The following CLEC4F variants were observed in gnomAD, a reference collection of about 807,000 sequenced individuals.
CLEC4F encodes the protein C-type (calcium dependent, carbohydrate-recognition domain) lectin, superfamily member 13.
A neutral mutation model predicts 53.4 loss-of-function variants in CLEC4F; 45 were observed. The ratio of observed to expected loss-of-function variants is 0.84; its 90% CI spans 0.66 to 1.08. CLEC4F has a LOEUF of 1.08. Among genes scored for constraint, CLEC4F ranks in the 50% least tolerant of loss-of-function variants. The pLI, the probability that CLEC4F is intolerant of heterozygous loss-of-function variation, is 0.00. For missense variants in CLEC4F, 753 were observed against 698.2 expected (o/e 1.08, Z -0.88); for synonymous variants, 245 against 257.5 (o/e 0.95, Z 0.46).
chr2:70,819,653 G>T, intron 2 of CLEC4F, 122 bp downstream of exon 2: 1 of 851,428 alleles, frequency 1.2e-6, no homozygotes, highest in Non-Finnish European at 1.9e-6. Context: ...TGGGCCTGGA[G>T]CTGGAGGTGG....
intron 3 of CLEC4F, 71 bp from the exon 4 acceptor site, chr2:70,817,183 G>C (rs1271151637): frequency 1.4e-6 from 2 of 1,475,996 alleles, no homozygotes; most frequent in Non-Finnish European, 1.8e-6. Context: ...GGGCCACCCA[G>C]AGTGTTTCTA....
At position 70,812,598 on chromosome 2, in the gene CLEC4F, C is replaced by T. The variant is rs562360644; in HGVS notation, c.1388G>A (p.Ser463Asn). 9 of 1,613,646 alleles carry T rather than the reference C, an allele frequency of 5.6e-6. No homozygotes were observed. The African/African-American group carries it at 6.7e-5, about 12-fold the overall frequency. Residue 463 changes from serine to asparagine, a missense_variant and splice_region_variant, in exon 5 of 7, where the codon AGT becomes AAT. Ser to Asn is a conservative substitution (Grantham distance 46, BLOSUM62 1). Transcript: ENST00000272367. ...TSQEQLQRTQ[S>N]QLLQMVLQGW... ...TTGCAGGACCATCTGGAGAAGCTGA[C>T]CTGGAGCAAAGATTGGGGAGAAAAG...
upstream of CLEC4F, among the ~76,000 whole-genome samples, chr2:70,822,624 G>C (rs1677256351): frequency 6.6e-6 from 1 of 152,162 alleles, no homozygotes; most frequent in Non-Finnish European, 1.5e-5. Context: ...GCCAGTGCTG[G>C]GGTTACCAGC....
upstream of CLEC4F, among the ~76,000 whole-genome samples, chr2:70,820,999 G>A (rs1382631056): frequency 2.0e-5 from 3 of 152,186 alleles, no homozygotes; most frequent in Non-Finnish European, 2.9e-5. Context: ...GGTCAAAGGA[G>A]GAAGCGGGGT....
At chr2:70,824,499 T>C (rs1342144710), upstream of CLEC4F, among the ~76,000 whole-genome samples, 1 of 151,410 alleles carries the variant, frequency 6.6e-6, no homozygotes, top group African/African-American at 2.4e-5. Flanking sequence ...CTAACACCAT[T>C]CTCCAAAAAA....
At chr2:70,819,485 C>T in intron 2 of CLEC4F, 41 bp from the exon 3 acceptor site, 1 of 1,573,952 alleles carries the variant, frequency 6.4e-7, no homozygotes, top group Non-Finnish European at 8.7e-7. Context: ...ATCCCCAGCC[C>T]TGAGCCTGGG....
At chr2:70,825,099 G>A (rs1011587513), upstream of CLEC4F, among the ~76,000 whole-genome samples, 5 of 152,162 alleles carry the variant, frequency 3.3e-5, no homozygotes, top group African/African-American at 9.7e-5. Flanking sequence ...TGATGAGAAT[G>A]GCCCTTTATC....
rs1676618026 is a variant in CLEC4F at position 70,812,379 on chromosome 2, G to C, written c.1539+68C>G. On this transcript the variant is annotated intron_variant, in intron 5 of 6. Coordinates refer to ENST00000272367, the MANE Select transcript of CLEC4F (RefSeq NM_173535.3). ...CGTCATACCCACTGAGAGCAGGAAG[G>C]CCAAAACACCAAAGTCCCTTATTCC... is the stretch of plus-strand genomic sequence containing the variant. 3 of 1,570,944 alleles carry C rather than the reference G, an allele frequency of 1.9e-6. No homozygotes were observed. The South Asian group carries it at 3.5e-5, about 18-fold the overall frequency.
At chr2:70,822,656 T>C (rs1168759972), upstream of CLEC4F, among the ~76,000 whole-genome samples, 3 of 152,240 alleles carry the variant, frequency 2.0e-5, no homozygotes, top group Non-Finnish European at 2.9e-5. Flanking sequence ...CTTTGGTTCC[T>C]TCTTGTCTCC....
chr2:70,820,643 C>A, upstream of CLEC4F: 1 of 943,474 alleles, frequency 1.1e-6, no homozygotes. Flanking sequence ...TCCTGACCAC[C>A]CTCCCAGCTC....
rs1553393796 is a variant in CLEC4F, at chr2:70,809,858, C to T, written c.1540-1G>A. On this transcript the variant is annotated splice_acceptor_variant, in intron 5 of 6. Coordinates refer to ENST00000272367, the MANE Select transcript of CLEC4F (RefSeq NM_173535.3). LOFTEE classifies it high-confidence loss of function. ...TACTTGTGAACTCTACCAGAAATGC[C>T]TGCAGAGAAAAGGCAGTGTCAGTTT... The T allele has an allele frequency of 1.2e-6, 2 of 1,608,288 alleles. No homozygotes were observed. The highest frequency in any genetic ancestry group is 2.2e-5 in the South Asian group (2 of 90,960).
intron 6 of CLEC4F, 52 bp from the exon 7 acceptor site, chr2:70,809,434 C>T (rs1553393618): frequency 1.3e-6 from 2 of 1,533,754 alleles, no homozygotes; most frequent in Middle Eastern, 2.4e-4. Flanking sequence ...TGGCTGCATG[C>T]CAGCCTCAGG....
In CLEC4F at chr2:70,816,602, T is replaced by C; in HGVS notation, c.779A>G (p.His260Arg). ...ANAEIYVLRG[H>R]LDSVNDLRTQ... ...CCTCAAGTCATTGACACTATCTAGA[T>C]GGCCTCTCAAAACATAGATCTCAGC... Residue 260 changes from histidine to arginine, a missense_variant, in exon 4 of 7, where the codon CAT (histidine) becomes CGT (arginine). Physicochemically the swap from His to Arg is conservative, Grantham distance 29 (BLOSUM62 0). Transcript: ENST00000272367. 1 of 1,614,124 alleles carries C rather than the reference T, an allele frequency of 6.2e-7. No individual in the cohort carries two copies. The highest frequency in any genetic ancestry group is 8.5e-7 in the Non-Finnish European group (1 of 1,180,022).
In CLEC4F at chr2:70,808,758, G is replaced by T; in HGVS notation, c.*513C>A. 2.9e-6 allele frequency: 1 copy of T among 342,102 alleles called. No individual in the cohort carries two copies. 21.2% of individuals were successfully genotyped at this position (342,102 alleles called of 1,614,324 possible). A position where few individuals can be genotyped will look rare whatever the true frequency, so the allele number is the denominator to read the frequency against. On this transcript the variant is annotated 3_prime_UTR_variant, in exon 7 of 7. Transcript: ENST00000272367. ...CCCTTGAGAAGCCACTGATGTCACT[G>T]GGTCACTCGAGGTAAGCATGTTTGA...
In CLEC4F at chr2:70,816,073, C is replaced by T; in HGVS notation, c.1308G>A (p.Met436Ile). 1 of 1,614,232 alleles carries T rather than the reference C, an allele frequency of 6.2e-7. No homozygotes were observed. The highest frequency in any genetic ancestry group is 8.5e-7 in the Non-Finnish European group (1 of 1,180,054). ...GGCGACTCTGCTCCTGCTGGATTTC[C>T]ATGGTTAGAGCTTTGGTGTTCTCTA... ...GDLENTKALT[M>I]EIQQEQSRLK... Residue 436 changes from methionine to isoleucine, a missense_variant, in exon 4 of 7, where the codon ATG (methionine) becomes ATA (isoleucine). By Grantham distance (10) the Met-to-Ile change is conservative. Coordinates refer to ENST00000272367, the MANE Select transcript of CLEC4F (RefSeq NM_173535.3).
chr2:70,810,618 CAAAAAAAAAA>C (rs58138583), intron 5 of CLEC4F, among the ~76,000 whole-genome samples: 8 of 48,826 alleles, frequency 1.6e-4, no homozygotes, highest in Admixed American at 2.7e-4. Flanking sequence ...AACTCTGTCG[CAAAAAAAAAA>C]AAAAAAAAAA....
intron 4 of CLEC4F, among the ~76,000 whole-genome samples, chr2:70,813,396 C>T (rs114985418): frequency 0.012 from 1,811 of 152,234 alleles, 37 homozygotes; most frequent in African/African-American, 0.041. Context: ...AGAATAGTCA[C>T]GGAAGAAGGT....
At chr2:70,820,949 A>G (rs1677198408), upstream of CLEC4F, among the ~76,000 whole-genome samples, 1 of 152,214 alleles carries the variant, frequency 6.6e-6, no homozygotes, top group Admixed American at 6.5e-5. Flanking sequence ...AAAAGGAGTC[A>G]GGTAAAAGAG....
At position 70,817,059 on chromosome 2, in the gene CLEC4F, T is replaced by C. The variant is rs1553396529; in HGVS notation, c.322A>G (p.Lys108Glu). ...AEMRELIQTF[K>E]GHMENSSAWV... ...GCACTGGAATTCTCCATGTGGCCTTTAAATGTCTGGATAAGCTCTCGCATT... is the reference window on the plus strand; with the variant it reads ...GCACTGGAATTCTCCATGTGGCCTTCAAATGTCTGGATAAGCTCTCGCATT... The change falls in exon 4 of 7, where the codon AAA becomes GAA. Residue 108 changes from lysine (K) to glutamate (E), a missense_variant. Transcript: ENST00000272367. The C allele has an allele frequency of 1.2e-6, 2 of 1,613,774 alleles. No homozygotes were observed. Among genetic ancestry groups the C allele is most frequent in the Non-Finnish European group, 8.5e-7 (1 of 1,180,036 alleles).
Sources: gnomAD v4.1 joint callset for allele counts (sites outside exome capture counted in the v4.1 genomes callset) on GRCh38, gnomAD v4.1.1 for gene constraint, MANE v1.5 for transcripts, NCBI Gene and HGNC (gene_info 2026-07-23, HGNC 2026-07-21) for gene names.